Variants in ADGRB1 observed in about 807,000 individuals in gnomAD.
ADGRB1 encodes the protein adhesion G protein-coupled receptor B1.
A neutral mutation model predicts 175.7 loss-of-function variants in ADGRB1; 36 were observed. The ratio of observed to expected loss-of-function variants is 0.20; its 90% CI spans 0.16 to 0.27. The LOEUF (loss-of-function observed/expected upper bound fraction) is 0.27. Ranked by LOEUF, ADGRB1 falls within the 10% of genes least tolerant of loss-of-function variation. ADGRB1 has a pLI of 1.00. For missense variants in ADGRB1, 1,731 were observed against 2,255.3 expected (o/e 0.77, Z 4.71); for synonymous variants, 1,054 against 979.4 (o/e 1.08, Z -1.42).
chr8:142,485,475 G>A (rs1043079662), intron 13 of ADGRB1, among the ~76,000 whole-genome samples: 1 of 152,194 alleles, frequency 6.6e-6, no homozygotes, highest in Non-Finnish European at 1.5e-5. Flanking sequence ...AGGATCGCTT[G>A]AGCCCAGGAG....
Position 142,543,794 on chromosome 8 carries a change from C to A in ADGRB1, c.4557+86C>A. 1 of 1,052,782 alleles carries A rather than the reference C, an allele frequency of 9.5e-7. No homozygotes were observed. The highest frequency in any genetic ancestry group is 1.4e-6 in the Non-Finnish European group (1 of 707,426). 65.2% of individuals were successfully genotyped at this position (1,052,782 alleles called of 1,614,324 possible). A position where few individuals can be genotyped will look rare whatever the true frequency, so the allele number is the denominator to read the frequency against. ...TCTTCCCTGGATTTGTGCACTTCAT[C>A]CATCCATCCATCCATCCATCCATTC... On this transcript the variant is annotated intron_variant, in intron 30 of 30. Transcript: ENST00000517894. This position sits in a 1 kb window ranked among gnomAD's most constrained non-coding sequence, Gnocchi z 4.4.
At chr8:142,479,566 C>G (rs995656628) in intron 8 of ADGRB1, 79 bp downstream of exon 8, 2 of 1,517,328 alleles carry the variant, frequency 1.3e-6, no homozygotes, top group Non-Finnish European at 1.8e-6. Context: ...CTGTCACCCA[C>G]GTGGTGTGTT....
chr8:142,464,071 T>C lies in ADGRB1; in HGVS notation c.-128T>C. 1 of 437,414 alleles carries C rather than the reference T, an allele frequency of 2.3e-6. No individual in the cohort carries two copies. 27.1% of individuals were successfully genotyped at this position (437,414 alleles called of 1,614,324 possible). ...TCACCTGAAGCGGGGCCCTCTCCCA[T>C]CCCACCCTTGCCCCGCCTCCCTGCC... is the stretch of plus-strand genomic sequence containing the variant. On this transcript the variant is annotated 5_prime_UTR_variant, in exon 2 of 31. Coordinates refer to ENST00000517894, the MANE Select transcript of ADGRB1 (RefSeq NM_001702.3).
intron 26 of ADGRB1, 118 bp from the exon 27 acceptor site, chr8:142,539,255 TG>T: frequency 9.6e-7 from 1 of 1,037,482 alleles, no homozygotes; most frequent in Non-Finnish European, 1.4e-6. Flanking sequence ...GCTGTGGACA[TG>T]GACAGGGGTT....
At chr8:142,538,038 C>T (rs1036696969) in intron 26 of ADGRB1, among the ~76,000 whole-genome samples, 6 of 152,190 alleles carry the variant, frequency 3.9e-5, no homozygotes, top group African/African-American at 1.4e-4. Flanking sequence ...TGGCCTGGTC[C>T]TGTGCAGAAC....
At chr8:142,531,527 C>T (rs1844623284) in intron 24 of ADGRB1, among the ~76,000 whole-genome samples, 2 of 152,210 alleles carry the variant, frequency 1.3e-5, no homozygotes, top group Admixed American at 6.5e-5. Context: ...CTAGTACACT[C>T]CAAAGTTGTA....
At chr8:142,512,439 G>C (rs1843157139) in intron 18 of ADGRB1, among the ~76,000 whole-genome samples, 5 of 152,194 alleles carry the variant, frequency 3.3e-5, no homozygotes, top group Admixed American at 3.3e-4. Context: ...GCAAGGCAGG[G>C]CCCAGCCTCC....
chr8:142,465,574 C>T (rs989197930), intron 2 of ADGRB1, among the ~76,000 whole-genome samples: 5 of 151,948 alleles, frequency 3.3e-5, no homozygotes, highest in African/African-American at 2.4e-5. Context: ...GGTGCTGGGG[C>T]CACGGCTGCA....
rs780641268 is a variant in ADGRB1, at chr8:142,537,033, G to C, written c.3617G>C (p.Gly1206Ala). The change falls in exon 26 of 31, where the codon GGC becomes GCC. Residue 1206 changes from glycine (G) to alanine (A), a missense_variant. By Grantham distance (60) the Gly-to-Ala change is moderately conservative. Around this residue, in one of 8 missense-constraint regions of ADGRB1, gnomAD observed 301 missense variants for 488.4 expected, o/e 0.62. Transcript: ENST00000517894. This position sits in a 1 kb window ranked among gnomAD's most constrained non-coding sequence, Gnocchi z 4.6. ...KCRVVDRQEE[G>A]NGDSGGSFQN... Reference sequence around the variant, plus strand: ...CGTGTGGTTGACCGGCAGGAGGAGGGCAACGGGGACTCAGGGGGCTCCTTC... The same window carrying C: ...CGTGTGGTTGACCGGCAGGAGGAGGCCAACGGGGACTCAGGGGGCTCCTTC... 1.8e-5 allele frequency: 29 copies of C among 1,590,228 alleles called. No homozygotes were observed. In the South Asian group the frequency reaches 3.2e-4, roughly 18 times the overall value.
At chr8:142,534,714 G>C (rs777958596) in intron 25 of ADGRB1, among the ~76,000 whole-genome samples, 5 of 152,206 alleles carry the variant, frequency 3.3e-5, no homozygotes, top group African/African-American at 4.8e-5. Flanking sequence ...AACCCAACCA[G>C]ACAAGCAGGA....
intron 18 of ADGRB1, among the ~76,000 whole-genome samples, chr8:142,516,593 G>A (rs546843145): frequency 6.7e-6 from 1 of 150,216 alleles, no homozygotes; most frequent in East Asian, 2.0e-4. Flanking sequence ...GCATGCGTGT[G>A]TGTGCAGGCC....
intron 16 of ADGRB1, 137 bp from the exon 17 acceptor site, chr8:142,490,635 C>T (rs1266184912): frequency 2.1e-5 from 21 of 1,017,148 alleles, no homozygotes; most frequent in East Asian, 2.7e-5. Context: ...GTTTCCTCCT[C>T]GCAAAACGCA....
intron 24 of ADGRB1, among the ~76,000 whole-genome samples, chr8:142,529,937 C>T (rs542071316): frequency 1.0e-4 from 15 of 147,644 alleles, no homozygotes; most frequent in African/African-American, 2.5e-4. Flanking sequence ...TACCTGTGAG[C>T]GTGCATCTGT....
chr8:142,484,526 T>A, intron 12 of ADGRB1, 130 bp from the exon 13 acceptor site: 1 of 956,160 alleles, frequency 1.0e-6, no homozygotes, highest in Non-Finnish European at 1.5e-6. Context: ...TACTCAGAGG[T>A]CACCAGCCCC....
In ADGRB1 at chr8:142,481,608, G is replaced by A. The variant is rs1302212635; in HGVS notation, c.2027G>A (p.Gly676Glu). The A allele has an allele frequency of 6.2e-7, 1 of 1,604,574 alleles. No individual in the cohort carries two copies. Among genetic ancestry groups the A allele is most frequent in the Non-Finnish European group, 8.5e-7 (1 of 1,175,842 alleles). The change falls in exon 11 of 31, where the codon GGG (glycine) becomes GAG (glutamate). Residue 676 changes from glycine (G) to glutamate (E), a missense_variant. Around this residue, in one of 8 missense-constraint regions of ADGRB1, gnomAD observed 388 missense variants for 630.9 expected, o/e 0.61. Coordinates refer to ENST00000517894, the MANE Select transcript of ADGRB1 (RefSeq NM_001702.3). ...IQTLVEISQD[G>E]TSYSGDLLST... ...ACACTGGTGGAGATCTCTCAGGACGGGACCAGCTACAGTGGGGACCTGCTG... is the reference window on the plus strand; with the variant it reads ...ACACTGGTGGAGATCTCTCAGGACGAGACCAGCTACAGTGGGGACCTGCTG...
chr8:142,542,491 A>C lies in ADGRB1; in HGVS notation c.4257A>C (p.Pro1419=), dbSNP rs1462152749. ...CCCCACCGCCTCCGCCCCCACCGCC[A>C]CCACCTCCCCAGCAGCCCCTGCCCC... The part of the protein sequence containing the change: ...AQPPPPPPPP[P]PPPQQPLPPP... The change falls in exon 28 of 31, where the codon CCA becomes CCC. Residue 1419 remains proline (P), a synonymous_variant. Transcript: ENST00000517894. The surrounding 1 kb of genome is among the most constrained non-coding windows in gnomAD (Gnocchi z 6.3). 158 of 619,802 alleles carry C rather than the reference A, an allele frequency of 2.5e-4. No homozygotes were observed. Among genetic ancestry groups the C allele is most frequent in the Non-Finnish European group, 3.1e-4 (150 of 476,710 alleles). The allele number at this position is 619,802 out of a possible 1,614,324, so 38.4% of individuals were successfully genotyped here. A position where few individuals can be genotyped will look rare whatever the true frequency, so the allele number is the denominator to read the frequency against.
rs181525250 is a variant in ADGRB1 at position 142,474,497 on chromosome 8, G to T, written c.785-977G>T. Among the ~76,000 whole-genome samples the T allele has an allele frequency of 6.6e-6, 1 of 152,234 alleles. No homozygotes were observed. Among genetic ancestry groups the T allele is most frequent in the African/African-American group, 2.4e-5 (1 of 41,538 alleles). On this transcript the variant is annotated intron_variant, in intron 2 of 30. Coordinates refer to ENST00000517894, the MANE Select transcript of ADGRB1 (RefSeq NM_001702.3). This position sits in a 1 kb window ranked among gnomAD's most constrained non-coding sequence, Gnocchi z 5.8. ...AGGCCCGAGCGGGAGGCCTGGACGCGGCAGCCCCTTCCCGGCCCCCTGGTG... is the reference window on the plus strand; with the variant it reads ...AGGCCCGAGCGGGAGGCCTGGACGCTGCAGCCCCTTCCCGGCCCCCTGGTG...
At chr8:142,463,869 T>G in intron 1 of ADGRB1, 111 bp from the exon 2 acceptor site, 1 of 238,154 alleles carries the variant, frequency 4.2e-6, no homozygotes, top group Non-Finnish European at 8.1e-6. Context: ...AAAGTCCTCC[T>G]GCCCTCGTTG....
intron 13 of ADGRB1, 105 bp downstream of exon 13, chr8:142,484,869 C>A: frequency 2.3e-6 from 2 of 886,060 alleles, no homozygotes; most frequent in Non-Finnish European, 3.4e-6. Flanking sequence ...AGTGACCAGA[C>A]AGCCTTTGTG....
Sources: allele counts gnomAD v4.1 joint callset (sites outside exome capture counted in the v4.1 genomes callset), GRCh38; gene constraint gnomAD v4.1.1; regional missense constraint gnomAD v4.1.1; non-coding constraint Gnocchi (gnomAD v3.1); transcripts MANE v1.5; gene names NCBI Gene and HGNC (gene_info 2026-07-23, HGNC 2026-07-21).